UTS2: variants seen among roughly 807,000 people sequenced by gnomAD.
The protein encoded by UTS2 is urotensin 2, also known as urotensin-2.
In UTS2, 10 loss-of-function variants were observed where a neutral mutation model predicts 12.6. The ratio of observed to expected loss-of-function variants is 0.80; its 90% CI spans 0.49 to 1.35. The LOEUF is 1.35. UTS2 is among the 40% of genes most tolerant of loss of function. UTS2 has a pLI of 0.00. For synonymous variants in UTS2, 52 were observed against 50.0 expected (o/e 1.04, Z -0.17); for missense variants, 142 against 143.2 (o/e 0.99, Z 0.04).
the UTS2 span, among the ~76,000 whole-genome samples, chr1:7,870,961 A>AG: frequency 6.6e-6 from 1 of 152,170 alleles, no homozygotes; most frequent in African/African-American, 2.4e-5. Context: ...TGGGTGATTC[A>AG]GGGGAGGATC....
the UTS2 span, among the ~76,000 whole-genome samples, chr1:7,903,246 TCTC>T: frequency 1.9e-3 from 4 of 2,082 alleles, no homozygotes; most frequent in African/African-American, 0.015. Context: ...TTCCCCTCCT[TCTC>T]CTGCTTCCCC....
At chr1:7,912,738 G>T in the UTS2 span, among the ~76,000 whole-genome samples, 2 of 151,914 alleles carry the variant, frequency 1.3e-5, no homozygotes, top group African/African-American at 4.8e-5. Flanking sequence ...CTCCACTGGG[G>T]CCCCCACAGA....
At chr1:7,901,606 ATGTG>A in the UTS2 span, among the ~76,000 whole-genome samples, 15 of 126,682 alleles carry the variant, frequency 1.2e-4, no homozygotes, top group Admixed American at 1.9e-4. Flanking sequence ...ATATTCATCT[ATGTG>A]TGTGTGTGTG....
chr1:7,856,360 G>A (rs1638309058), upstream of UTS2, among the ~76,000 whole-genome samples: 1 of 152,242 alleles, frequency 6.6e-6, no homozygotes, highest in African/African-American at 2.4e-5. Flanking sequence ...CAAGGAGACA[G>A]TACAGGGGCA....
chr1:7,909,387 A>G, the UTS2 span, among the ~76,000 whole-genome samples: 2 of 151,910 alleles, frequency 1.3e-5, no homozygotes, highest in African/African-American at 4.8e-5. Flanking sequence ...TCTGCTAAAA[A>G]TACAAAAATT....
chr1:7,895,739 G>T, the UTS2 span, among the ~76,000 whole-genome samples: 1 of 152,216 alleles, frequency 6.6e-6, no homozygotes, highest in African/African-American at 2.4e-5. Flanking sequence ...TGAAATAAAA[G>T]AGTTGGATAT....
At chr1:7,889,817 AGCACTTTGGGAG>A in the UTS2 span, among the ~76,000 whole-genome samples, 1 of 152,172 alleles carries the variant, frequency 6.6e-6, no homozygotes, top group Non-Finnish European at 1.5e-5. Context: ...CTGTAATCAC[AGCACTTTGGGAG>A]GCCAAGGCGG....
the UTS2 span, among the ~76,000 whole-genome samples, chr1:7,905,827 CG>C: frequency 6.6e-6 from 1 of 152,098 alleles, no homozygotes; most frequent in Admixed American, 6.5e-5. Context: ...GTTGGGCTGA[CG>C]GTTTCCTAGG....
At chr1:7,849,254 C>G (rs2097411362) in intron 3 of UTS2, among the ~76,000 whole-genome samples, 4 of 151,650 alleles carry the variant, frequency 2.6e-5, no homozygotes, top group Admixed American at 2.6e-4. Context: ...CATTCTTGTC[C>G]CCCAGGCTGG....
the UTS2 span, among the ~76,000 whole-genome samples, chr1:7,863,969 G>A: frequency 6.6e-6 from 1 of 152,208 alleles, no homozygotes; most frequent in Non-Finnish European, 1.5e-5. Flanking sequence ...CCCCCGGGGG[G>A]GTCTGCCCGG....
chr1:7,856,067 G>C (rs1030397579), upstream of UTS2, among the ~76,000 whole-genome samples: 11 of 152,026 alleles, frequency 7.2e-5, no homozygotes, highest in Admixed American at 2.6e-4. Context: ...CTGGGCTCCA[G>C]AGATTCTCCT....
chr1:7,898,661 T>A, the UTS2 span, among the ~76,000 whole-genome samples: 1 of 152,036 alleles, frequency 6.6e-6, no homozygotes, highest in Non-Finnish European at 1.5e-5. Context: ...TATTTTTTAG[T>A]AGAGACGGGG....
chr1:7,911,726 AC>A, the UTS2 span, among the ~76,000 whole-genome samples: 7 of 152,092 alleles, frequency 4.6e-5, no homozygotes, highest in South Asian at 1.5e-3. Flanking sequence ...ACATGGCGAA[AC>A]CCCGTCTCTA....
the UTS2 span, among the ~76,000 whole-genome samples, chr1:7,880,706 T>C: frequency 3.3e-5 from 5 of 152,208 alleles, no homozygotes; most frequent in African/African-American, 1.2e-4. Flanking sequence ...TGAAAGATTT[T>C]ACTGCTGAAT....
At chr1:7,853,536 C>A (rs1638220745), upstream of UTS2, 3 of 1,465,138 alleles carry the variant, frequency 2.0e-6, no homozygotes, top group Non-Finnish European at 2.8e-6. Flanking sequence ...CCAGCTATTT[C>A]CTTTAAAACA....
At chr1:7,866,314 C>T in the UTS2 span, among the ~76,000 whole-genome samples, 1 of 152,164 alleles carries the variant, frequency 6.6e-6, no homozygotes, top group Non-Finnish European at 1.5e-5. The surrounding 1 kb of genome is among the most constrained non-coding windows in gnomAD (Gnocchi z 4.5). Flanking sequence ...TCAGCCTCAC[C>T]AGACAGTTTC....
chr1:7,886,229 G>T, the UTS2 span, among the ~76,000 whole-genome samples: 1 of 152,184 alleles, frequency 6.6e-6, no homozygotes, highest in Non-Finnish European at 1.5e-5. Context: ...AGCACTGCTG[G>T]CTCCAAACCC....
chr1:7,894,850 A>G, the UTS2 span, among the ~76,000 whole-genome samples: 1 of 151,908 alleles, frequency 6.6e-6, no homozygotes, highest in Non-Finnish European at 1.5e-5. Context: ...GTGGTGGCAC[A>G]AGTCCAGGAG....
chr1:7,892,155 G>A, the UTS2 span, among the ~76,000 whole-genome samples: 4 of 152,256 alleles, frequency 2.6e-5, no homozygotes, highest in Non-Finnish European at 4.4e-5. Context: ...GGTCAGGGTC[G>A]GTGCATGAAT....
Sources: gnomAD v4.1 joint callset for allele counts (sites outside exome capture counted in the v4.1 genomes callset) on GRCh38, gnomAD v4.1.1 for gene constraint, Gnocchi (gnomAD v3.1) non-coding constraint, MANE v1.5 for transcripts, NCBI Gene and HGNC (gene_info 2026-07-23, HGNC 2026-07-21) for gene names.